Variants in SYK observed in about 807,000 individuals in gnomAD.
SYK encodes spleen associated tyrosine kinase.
A neutral mutation model predicts 77.8 loss-of-function variants in SYK; 16 were observed. That is an observed-to-expected ratio of 0.21 (90% CI 0.14 to 0.31). The LOEUF (loss-of-function observed/expected upper bound fraction) is 0.31, where lower values mean the gene tolerates loss of function less well. Among genes scored for constraint, SYK ranks in the 10% least tolerant of loss-of-function variants. The probability of loss-of-function intolerance (pLI) is 1.00; values close to 1 mark genes in which losing one functional copy is unlikely to be tolerated. For missense variants in SYK, 529 were observed against 814.4 expected, an observed-to-expected ratio of 0.65 and a Z score of 4.26; for synonymous variants, 312 against 308.7, an observed-to-expected ratio of 1.01 and a Z score of -0.11.
chr9:90,862,720 G>GA (rs1175670057), intron 4 of SYK, among the ~76,000 whole-genome samples: 3 of 152,194 alleles, frequency 2.0e-5, no homozygotes, highest in African/African-American at 7.2e-5. Flanking sequence ...TGGAGATCTA[G>GA]AAAATATTTC....
intron 6 of SYK, 143 bp from the exon 7 acceptor site, chr9:90,866,988 G>A: frequency 1.3e-6 from 1 of 760,480 alleles, no homozygotes; most frequent in Non-Finnish European, 2.2e-6. Flanking sequence ...ATCAGGTGTT[G>A]CCCGTGGTCG....
At chr9:90,826,401 G>T (rs976166708) in intron 1 of SYK, among the ~76,000 whole-genome samples, 4 of 152,258 alleles carry the variant, frequency 2.6e-5, no homozygotes, top group African/African-American at 9.6e-5. Context: ...CATCATCATG[G>T]CCATTCTGGC....
intron 1 of SYK, among the ~76,000 whole-genome samples, chr9:90,802,657 T>A (rs920609510): frequency 2.8e-4 from 42 of 152,152 alleles, no homozygotes; most frequent in African/African-American, 9.4e-4. Context: ...TCCATTCTTT[T>A]GTTGGAATGT....
rs1554714370 is a variant in SYK, at chr9:90,884,250, C to CGCAT, written c.1582-3499_1582-3498insGCAT. Among the ~76,000 whole-genome samples, 117 of 36,592 alleles carry CGCAT rather than the reference C, an allele frequency of 3.2e-3. 6 individuals carry two copies. Among genetic ancestry groups the CGCAT allele is most frequent in the East Asian group, 7.5e-3 (8 of 1,062 alleles). The allele number at this position is 36,592 out of a possible 152,430, so 24.0% of individuals were successfully genotyped here. A position where few individuals can be genotyped will look rare whatever the true frequency, so the allele number is the denominator to read the frequency against. On this transcript the variant is annotated intron_variant, in intron 11 of 13. Coordinates refer to ENST00000375754, the MANE Select transcript of SYK (RefSeq NM_003177.7). ...ACATACACATACGTGTATATATACA[C>CGCAT]ATACACATACACATACGTGTATATA...
intron 1 of SYK, among the ~76,000 whole-genome samples, chr9:90,843,353 C>T (rs746333774): frequency 1.3e-5 from 2 of 152,188 alleles, no homozygotes; most frequent in South Asian, 4.1e-4. Context: ...CTCGAGGCAG[C>T]GTCTCGCAGC....
chr9:90,868,651 C>T (rs941288706), intron 7 of SYK, among the ~76,000 whole-genome samples: 14 of 152,122 alleles, frequency 9.2e-5, no homozygotes, highest in South Asian at 6.2e-4. Flanking sequence ...CAAGTTAAAA[C>T]TATGGTGCTT....
At position 90,886,046 on chromosome 9, in the gene SYK, G is replaced by A. The variant is rs753084084; in HGVS notation, c.1582-1703G>A. 3.3e-5 allele frequency among the ~76,000 whole-genome samples: 5 copies of A among 152,138 alleles called. No homozygotes were observed. In the East Asian group the frequency reaches 5.8e-4, roughly 18 times the overall value. ...AGAAATACTCAAAGGAATCTTAAAC[G>A]TGGAAGTAAAAGGACAATATTTACC... is the stretch of plus-strand genomic sequence containing the variant. On this transcript the variant is annotated intron_variant, in intron 11 of 13. Transcript: ENST00000375754.
At chr9:90,881,500 T>G (rs1384475765) in intron 11 of SYK, among the ~76,000 whole-genome samples, 1 of 151,424 alleles carries the variant, frequency 6.6e-6, no homozygotes, top group Non-Finnish European at 1.5e-5. Context: ...GCCAACATGG[T>G]GAAATCCCGT....
At chr9:90,801,630 G>A (rs1156483379), upstream of SYK, among the ~76,000 whole-genome samples, 2 of 152,214 alleles carry the variant, frequency 1.3e-5, no homozygotes, top group African/African-American at 2.4e-5. Context: ...GCCGCCGCCT[G>A]GGCCGATTCC....
In SYK at chr9:90,807,405, A is replaced by G. The variant is rs1428335119; in HGVS notation, c.-42+5512A>G. 2.0e-5 allele frequency among the ~76,000 whole-genome samples: 3 copies of G among 152,240 alleles called. No individual in the cohort carries two copies. The East Asian group carries it at 5.8e-4, about 29-fold the overall frequency. On this transcript the variant is annotated intron_variant, in intron 1 of 13. Coordinates refer to ENST00000375754, the MANE Select transcript of SYK (RefSeq NM_003177.7). ...ATTTTTGTAGCTACGGGTTGAGAGT[A>G]AGGGTCTGAGGCCCCACTGGGTTCA...
rs879475874 is a variant in SYK, at chr9:90,806,390, C to CT, written c.-42+4509dup. On this transcript the variant is annotated intron_variant, in intron 1 of 13. Coordinates refer to ENST00000375754, the MANE Select transcript of SYK (RefSeq NM_003177.7). ...GGAGGATATTTGGTGTGGGACTTTTCTTTTTTTTTTTTCTTTTTCTTTTTT... is the reference window on the plus strand; with the variant it reads ...GGAGGATATTTGGTGTGGGACTTTTCTTTTTTTTTTTTTCTTTTTCTTTTTT... Among the ~76,000 whole-genome samples, 1,317 of 144,956 alleles carry CT rather than the reference C, an allele frequency of 9.1e-3. 12 individuals are homozygous for CT. The highest frequency in any genetic ancestry group is 0.022 in the African/African-American group (858 of 39,680).
At chr9:90,888,464 G>A in intron 12 of SYK, 51 bp from the exon 13 acceptor site, 1 of 1,396,172 alleles carries the variant, frequency 7.2e-7, no homozygotes, top group Middle Eastern at 1.8e-4. Context: ...TGTTTTGTTT[G>A]ACTAACACCT....
At chr9:90,858,567 GC>G (rs1827129012) in intron 3 of SYK, among the ~76,000 whole-genome samples, 1 of 152,246 alleles carries the variant, frequency 6.6e-6, no homozygotes, top group South Asian at 2.1e-4. Flanking sequence ...AGAGCCATAA[GC>G]CTGGGTGGGT....
At chr9:90,876,100 A>G (rs766432608) in intron 9 of SYK, among the ~76,000 whole-genome samples, 1 of 152,170 alleles carries the variant, frequency 6.6e-6, no homozygotes, top group Non-Finnish European at 1.5e-5. Flanking sequence ...ATCCTGGCCA[A>G]CATGGTAAAA....
At chr9:90,888,689 G>A (rs912664666) in intron 13 of SYK, 62 bp downstream of exon 13, 130 of 1,280,024 alleles carry the variant, frequency 1.0e-4, no homozygotes, top group Non-Finnish European at 1.3e-4. Context: ...AAATGGTTGG[G>A]CGTCTAAAAA....
intron 1 of SYK, among the ~76,000 whole-genome samples, chr9:90,840,882 A>G (rs1826283107): frequency 2.0e-5 from 3 of 152,214 alleles, no homozygotes; most frequent in Admixed American, 2.0e-4. Context: ...TTGTGGATAG[A>G]CACCGTCTGG....
At chr9:90,839,458 C>A (rs542580769) in intron 1 of SYK, among the ~76,000 whole-genome samples, 3 of 152,216 alleles carry the variant, frequency 2.0e-5, no homozygotes, top group South Asian at 2.1e-4. Flanking sequence ...GTGTCCCTGG[C>A]GTGTGCCTGG....
rs1238754098 is a variant in SYK at position 90,898,390 on chromosome 9, C to T, written c.*2790C>T. ...GACTGCAAGTCGGCCTGGATTTTCA[C>T]TTGCAGAGGCTACAGCTGCATTGTC... On this transcript the variant is annotated 3_prime_UTR_variant, in exon 14 of 14. Coordinates refer to ENST00000375754, the MANE Select transcript of SYK (RefSeq NM_003177.7). 4.4e-6 allele frequency: 1 copy of T among 227,486 alleles called. No individual in the cohort carries two copies. The highest frequency in any genetic ancestry group is 8.7e-6 in the Non-Finnish European group (1 of 114,524). 14.1% of individuals were successfully genotyped at this position (227,486 alleles called of 1,614,324 possible).
intron 11 of SYK, 145 bp from the exon 12 acceptor site, chr9:90,887,604 T>A: frequency 1.1e-6 from 1 of 892,640 alleles, no homozygotes; most frequent in Non-Finnish European, 1.6e-6. Context: ...TGGGGTTTCC[T>A]CTTGGCCAGG....
Sources: gnomAD v4.1 joint callset for allele counts (sites outside exome capture counted in the v4.1 genomes callset) on GRCh38, gnomAD v4.1.1 for gene constraint, MANE v1.5 for transcripts, NCBI Gene and HGNC (gene_info 2026-07-23, HGNC 2026-07-21) for gene names.